ECT2: variants seen among roughly 807,000 people sequenced by gnomAD.
The protein encoded by ECT2 is protein ECT2.
A neutral mutation model predicts 116.9 loss-of-function variants in ECT2; 61 were observed. The ratio of observed to expected loss-of-function variants is 0.52; its 90% CI spans 0.42 to 0.65. The LOEUF is 0.65. Among genes scored for constraint, ECT2 ranks in the 30% least tolerant of loss-of-function variants. The probability of loss-of-function intolerance (pLI) is 0.00; values close to 1 mark genes in which losing one functional copy is unlikely to be tolerated. For missense variants in ECT2, 937 were observed against 1,078.7 expected, an observed-to-expected ratio of 0.87 and a Z score of 1.84; for synonymous variants, 358 against 346.4, an observed-to-expected ratio of 1.03 and a Z score of -0.37.
Position 172,816,767 on chromosome 3 carries a change from T to C in ECT2, c.2585T>C (p.Val862Ala). ...GCTCTTATGACATCCCACGGCTCAG[T>C]GGAGGGAAGAAGTCCTTCCAGCAAT... ...RRALMTSHGS[V>A]EGRSPSSNDK... The change falls in exon 24 of 25, where the codon GTG (valine) becomes GCG (alanine). Residue 862 changes from valine to alanine, a missense_variant. Val to Ala is a moderately conservative substitution (Grantham distance 64). Transcript: ENST00000392692. The C allele has an allele frequency of 3.1e-6, 5 of 1,611,490 alleles. No homozygotes were observed. The highest frequency in any genetic ancestry group is 4.2e-6 in the Non-Finnish European group (5 of 1,178,254).
chr3:172,786,282 T>C (rs1264845074), intron 17 of ECT2, among the ~76,000 whole-genome samples: 3 of 152,202 alleles, frequency 2.0e-5, no homozygotes, highest in Admixed American at 6.5e-5. Flanking sequence ...AAATCAGGAT[T>C]ACATATTCTG....
At chr3:172,799,265 T>G (rs1726277515) in intron 18 of ECT2, among the ~76,000 whole-genome samples, 1 of 152,112 alleles carries the variant, frequency 6.6e-6, no homozygotes, top group Non-Finnish European at 1.5e-5. Context: ...CTAGATAAAT[T>G]TTAAGAAACA....
At chr3:172,755,678 A>G (rs1407085799) in intron 4 of ECT2, 103 bp downstream of exon 4, 7 of 532,626 alleles carry the variant, frequency 1.3e-5, no homozygotes, top group Non-Finnish European at 2.2e-5. Context: ...ATTGTGTGCA[A>G]TCTGAAGCTT....
intron 14 of ECT2, among the ~76,000 whole-genome samples, chr3:172,774,908 T>C (rs1447409006): frequency 6.6e-6 from 1 of 152,230 alleles, no homozygotes; most frequent in Non-Finnish European, 1.5e-5. Flanking sequence ...ATTTTTCTTA[T>C]GTTCCTATTG....
Position 172,805,869 on chromosome 3 carries a change from G to C in ECT2, c.2245G>C (p.Asp749His). 6.2e-7 allele frequency: 1 copy of C among 1,611,744 alleles called. No homozygotes were observed. Among genetic ancestry groups the C allele is most frequent in the Non-Finnish European group, 8.5e-7 (1 of 1,178,944 alleles). The change falls in exon 21 of 25, where the codon GAT becomes CAT. Residue 749 changes from aspartate (D) to histidine (H), a missense_variant and splice_region_variant. Physicochemically the swap from Asp to His is moderately conservative, Grantham distance 81. Transcript: ENST00000392692. ...KKVLDIRETE[D>H]CHNAFALLVR... ...GGTATTGGACATAAGAGAGACAGAA[G>C]GTATGCCGGTCGGATACATTCTTGG...
intron 4 of ECT2, among the ~76,000 whole-genome samples, chr3:172,755,998 C>T (rs765118851): frequency 2.0e-5 from 3 of 152,220 alleles, no homozygotes; most frequent in Admixed American, 6.5e-5. Flanking sequence ...GGCCTCTCGC[C>T]TTGGCTTGCA....
chr3:172,757,828 C>T (rs1431411646), intron 5 of ECT2, among the ~76,000 whole-genome samples: 6 of 152,170 alleles, frequency 3.9e-5, no homozygotes, highest in South Asian at 2.1e-4. Flanking sequence ...ACAGATACCA[C>T]GGTTCCATTT....
Position 172,805,845 on chromosome 3 carries a change from G to T in ECT2, c.2221G>T (p.Val741Leu). The change falls in exon 21 of 25, where the codon GTA becomes TTA. Residue 741 changes from valine (V) to leucine (L), a missense_variant. Coordinates refer to ENST00000392692, the MANE Select transcript of ECT2 (RefSeq NM_001258315.2). ...AATGCCTCTTTCTCAGATTAAGAAG[G>T]TATTGGACATAAGAGAGACAGAAGG... Reference protein sequence around the residue: ...HLMPLSQIKKVLDIRETEDCH... With the variant: ...HLMPLSQIKKLLDIRETEDCH... The T allele has an allele frequency of 6.2e-7, 1 of 1,613,488 alleles. No homozygotes were observed. The highest frequency in any genetic ancestry group is 1.1e-5 in the South Asian group (1 of 91,028).
In ECT2 at chr3:172,802,975, C is replaced by G. The variant is rs958709897; in HGVS notation, c.2101C>G (p.Leu701Val). The G allele has an allele frequency of 6.2e-7, 1 of 1,610,348 alleles. No homozygotes were observed. The highest frequency in any genetic ancestry group is 8.5e-7 in the Non-Finnish European group (1 of 1,178,614). Reference protein sequence around the residue: ...QVTLFLFNDCLEIARKRHKVI... With the variant: ...QVTLFLFNDCVEIARKRHKVI... ...AACTCTCTTCCTCTTCAATGATTGC[C>G]TAGAGGTAAAGATGTACTTCACATA... Residue 701 changes from leucine (L) to valine (V), a missense_variant, in exon 20 of 25, where the codon CTA becomes GTA. Transcript: ENST00000392692.
intron 20 of ECT2, 130 bp from the exon 21 acceptor site, chr3:172,805,598 TAAC>T (rs1029794318): frequency 7.5e-5 from 67 of 890,640 alleles, no homozygotes; most frequent in Non-Finnish European, 9.8e-5. Context: ...ACTCTGCTTA[TAAC>T]AACTTTGTAA....
At chr3:172,789,349 G>A (rs888795139) in intron 18 of ECT2, among the ~76,000 whole-genome samples, 6 of 151,234 alleles carry the variant, frequency 4.0e-5, no homozygotes, top group African/African-American at 9.7e-5. Flanking sequence ...GATTACAGAT[G>A]TGCACCACCA....
intron 18 of ECT2, 74 bp from the exon 19 acceptor site, chr3:172,802,542 A>G (rs1726910762): frequency 2.2e-6 from 2 of 917,850 alleles, no homozygotes; most frequent in Non-Finnish European, 3.3e-6. Flanking sequence ...ATCAAACACA[A>G]CTTGTGACAT....
At chr3:172,778,186 C>T (rs1722078157) in intron 14 of ECT2, among the ~76,000 whole-genome samples, 1 of 152,160 alleles carries the variant, frequency 6.6e-6, no homozygotes, top group Non-Finnish European at 1.5e-5. Flanking sequence ...ATGACTTCCC[C>T]ACTTATCTAA....
At position 172,821,112 on chromosome 3, in the gene ECT2, G is replaced by T. The variant is rs1027111509; in HGVS notation, c.*875G>T. The T allele has an allele frequency of 6.6e-6, 1 of 151,894 alleles. No individual in the cohort carries two copies. The highest frequency in any genetic ancestry group is 6.6e-5 in the Admixed American group (1 of 15,248). The allele number at this position is 151,894 out of a possible 1,614,324, so 9.4% of individuals were successfully genotyped here. On this transcript the variant is annotated 3_prime_UTR_variant, in exon 25 of 25. Coordinates refer to ENST00000392692, the MANE Select transcript of ECT2 (RefSeq NM_001258315.2). ...TTGCCATCAGTTTTACTAATCTTCT[G>T]TGAAATGCATAGATATGCGCATGTT... is the stretch of plus-strand genomic sequence containing the variant.
Position 172,754,492 on chromosome 3 carries a change from A to G in ECT2, c.-22-17A>G. The G allele has an allele frequency of 6.6e-7, 1 of 1,522,792 alleles. No individual in the cohort carries two copies. The highest frequency in any genetic ancestry group is 8.8e-7 in the Non-Finnish European group (1 of 1,134,434). The allele number at this position is 1,522,792 out of a possible 1,614,324, so 94.3% of individuals were successfully genotyped here. ...TGACCATGTTTATGTATTTTTATTC[A>G]AATTTTATTTTTTCAGCTGATTTAG... On this transcript the variant is annotated splice_polypyrimidine_tract_variant and intron_variant, in intron 1 of 24. Transcript: ENST00000392692.
rs565477429 is a variant in ECT2, at chr3:172,786,532, G to C, written c.1865G>C (p.Ser622Thr). The C allele has an allele frequency of 1.2e-6, 2 of 1,610,960 alleles. No homozygotes were observed. Among genetic ancestry groups the C allele is most frequent in the Admixed American group, 1.7e-5 (1 of 59,826 alleles). ...KHTADENPDKSTLEKAIGSLK... is the reference protein window; with the variant it reads ...KHTADENPDKTTLEKAIGSLK... ...ACAGCTGATGAAAATCCAGACAAAA[G>C]CACTTTAGAAAAAGCTATTGGATCA... The change falls in exon 18 of 25, where the codon AGC becomes ACC. Residue 622 changes from serine to threonine, a missense_variant. Transcript: ENST00000392692.
intron 18 of ECT2, among the ~76,000 whole-genome samples, chr3:172,786,982 C>A (rs987219415): frequency 6.6e-6 from 1 of 152,010 alleles, no homozygotes; most frequent in Admixed American, 6.5e-5. Context: ...TTTTTGTTTT[C>A]TACCTAGAGT....
chr3:172,817,906 G>C (rs1730038859), intron 24 of ECT2, among the ~76,000 whole-genome samples: 1 of 152,010 alleles, frequency 6.6e-6, no homozygotes, highest in South Asian at 2.1e-4. Flanking sequence ...TCAAATCCTT[G>C]CTCTGCTATT....
intron 18 of ECT2, among the ~76,000 whole-genome samples, chr3:172,793,507 A>G (rs373559897): frequency 7.2e-5 from 11 of 151,768 alleles, no homozygotes; most frequent in African/African-American, 2.7e-4. Context: ...TCTGTTGCCC[A>G]GACTGGAGTG....
Sources: gnomAD v4.1 joint callset for allele counts (sites outside exome capture counted in the v4.1 genomes callset) on GRCh38, gnomAD v4.1.1 for gene constraint, MANE v1.5 for transcripts, NCBI Gene and HGNC (gene_info 2026-07-23, HGNC 2026-07-21) for gene names.